MRAS: variants seen among roughly 807,000 people sequenced by gnomAD.
MRAS encodes the protein ras-related protein M-Ras.
Under a neutral mutation model 20.9 loss-of-function variants are expected in MRAS, and 4 were observed. That is an observed-to-expected ratio of 0.19 (90% CI 0.09 to 0.44). The LOEUF is 0.44. MRAS is among the 20% of genes least tolerant of loss of function. The pLI, the probability that MRAS is intolerant of heterozygous loss-of-function variation, is 0.99. For synonymous variants in MRAS, 98 were observed against 102.9 expected, an observed-to-expected ratio of 0.95 and a Z score of 0.29; for missense variants, 154 against 277.5, an observed-to-expected ratio of 0.56 and a Z score of 3.16.
rs772334762 is a variant in MRAS, at chr3:138,398,545, A to C, written c.424A>C (p.Lys142Gln). The C allele has an allele frequency of 2.5e-6, 4 of 1,614,032 alleles. No individual in the cohort carries two copies. Among genetic ancestry groups the C allele is most frequent in the Non-Finnish European group, 3.4e-6 (4 of 1,180,020 alleles). The change falls in exon 4 of 6, where the codon AAA (lysine) becomes CAA (glutamine). Residue 142 changes from lysine to glutamine, a missense_variant. By Grantham distance (53) the Lys-to-Gln change is moderately conservative. This residue lies in a region of MRAS where 125 missense variants were observed against 213.5 expected (regional missense o/e 0.59). Transcript: ENST00000423968. ...HLRKITREQG[K>Q]EMATKHNIPY... ...GAGGAAGATCACCAGGGAGCAAGGAAAAGAAATGGCGACCAAACACAATGT... is the reference window on the plus strand; with the variant it reads ...GAGGAAGATCACCAGGGAGCAAGGACAAGAAATGGCGACCAAACACAATGT...
At chr3:138,377,648 TC>T (rs1053790411) in intron 2 of MRAS, among the ~76,000 whole-genome samples, 6 of 152,136 alleles carry the variant, frequency 3.9e-5, no homozygotes, top group African/African-American at 1.4e-4. Flanking sequence ...GGGGTCCTGC[TC>T]CCCTGAGGCC....
In MRAS at chr3:138,397,460, C is replaced by T. The variant is rs151130678; in HGVS notation, c.330C>T (p.Ile110=). Residue 110 remains isoleucine, a synonymous_variant, in exon 3 of 6, where the codon ATC becomes ATT. Transcript: ENST00000423968. ...FEHVDRFHQL[I]LRVKDRESFP... The stretch of plus-strand genomic sequence containing the variant: ...ACGTGGACCGCTTCCACCAGCTTAT[C>T]CTGCGCGTCAAAGACAGGTGAGCAT... 94 of 1,614,110 alleles carry T rather than the reference C, an allele frequency of 5.8e-5. No individual in the cohort carries two copies. In the African/African-American group the frequency reaches 1.1e-3, roughly 19 times the overall value.
intron 1 of MRAS, among the ~76,000 whole-genome samples, chr3:138,371,461 C>T (rs1057001403): frequency 1.2e-4 from 19 of 152,164 alleles, no homozygotes; most frequent in African/African-American, 3.6e-4. Flanking sequence ...GATCAGTGGC[C>T]TTCCCAAGTA....
At chr3:138,361,564 A>G (rs896243193) in intron 1 of MRAS, among the ~76,000 whole-genome samples, 5 of 152,194 alleles carry the variant, frequency 3.3e-5, no homozygotes, top group African/African-American at 1.2e-4. Flanking sequence ...ACCCTTGGGC[A>G]GGTGAGGGAG....
At chr3:138,387,600 G>A (rs1319899704) in intron 2 of MRAS, among the ~76,000 whole-genome samples, 2 of 152,196 alleles carry the variant, frequency 1.3e-5, no homozygotes, top group African/African-American at 2.4e-5. Context: ...GTTGCAAGGT[G>A]GAAGTGGGAT....
At chr3:138,374,933 G>A (rs2054752472) in intron 2 of MRAS, among the ~76,000 whole-genome samples, 1 of 152,182 alleles carries the variant, frequency 6.6e-6, no homozygotes, top group Admixed American at 6.5e-5. Context: ...CCAGGCTGGA[G>A]CACAGTGGCA....
rs2055431316 is a variant in MRAS, at chr3:138,405,070, G to A, written c.*2801G>A. 6.6e-6 allele frequency: 1 copy of A among 152,212 alleles called. No individual in the cohort carries two copies. The highest frequency in any genetic ancestry group is 2.1e-4 in the South Asian group (1 of 4,796). The allele number at this position is 152,212 out of a possible 1,614,324, so 9.4% of individuals were successfully genotyped here. On this transcript the variant is annotated 3_prime_UTR_variant, in exon 6 of 6. Transcript: ENST00000423968. Reference sequence around the variant, plus strand: ...TCCTAGCCATCCTCTCCACTCCCACGGCTGGGGACAATGGCCACTTACTAC... The same window carrying A: ...TCCTAGCCATCCTCTCCACTCCCACAGCTGGGGACAATGGCCACTTACTAC...
intron 1 of MRAS, among the ~76,000 whole-genome samples, chr3:138,367,320 G>A (rs893654640): frequency 2.6e-5 from 4 of 152,128 alleles, no homozygotes; most frequent in Non-Finnish European, 1.5e-5. Context: ...GGGAAACTGG[G>A]CACCAGGAAG....
chr3:138,371,279 ACT>A (rs1165414153), intron 1 of MRAS, among the ~76,000 whole-genome samples: 1 of 152,114 alleles, frequency 6.6e-6, no homozygotes, highest in African/African-American at 2.4e-5. Context: ...TTCTGCAATG[ACT>A]CTCGACTGTA....
chr3:138,380,801 C>T (rs1425170697), intron 2 of MRAS, among the ~76,000 whole-genome samples: 3 of 150,554 alleles, frequency 2.0e-5, no homozygotes, highest in Admixed American at 6.6e-5. Context: ...GACGGTGTCT[C>T]GCTCTGTCGC....
rs1361683907 is a variant in MRAS, at chr3:138,397,445, C to T, written c.315C>T (p.Arg105=). 1 of 1,614,030 alleles carries T rather than the reference C, an allele frequency of 6.2e-7. No homozygotes were observed. Among genetic ancestry groups the T allele is most frequent in the African/African-American group, 1.3e-5 (1 of 74,922 alleles). ...AGGCCAGCTTTGAGCACGTGGACCGCTTCCACCAGCTTATCCTGCGCGTCA... is the reference window on the plus strand; with the variant it reads ...AGGCCAGCTTTGAGCACGTGGACCGTTTCCACCAGCTTATCCTGCGCGTCA... ...TDKASFEHVD[R]FHQLILRVKD... Residue 105 remains arginine (R), a synonymous_variant, in exon 3 of 6, where the codon CGC becomes CGT. Coordinates refer to ENST00000423968, the MANE Select transcript of MRAS (RefSeq NM_001085049.3).
chr3:138,393,615 A>G (rs1470663390), intron 2 of MRAS, among the ~76,000 whole-genome samples: 1 of 152,004 alleles, frequency 6.6e-6, no homozygotes, highest in Admixed American at 6.6e-5. Flanking sequence ...CTAGATCTCT[A>G]GTTTCCATTT....
chr3:138,383,877 A>T (rs1316569512), intron 2 of MRAS, among the ~76,000 whole-genome samples: 1 of 152,196 alleles, frequency 6.6e-6, no homozygotes, highest in Non-Finnish European at 1.5e-5. Flanking sequence ...AGACAAGGTA[A>T]GGGAGTCACA....
At position 138,351,061 on chromosome 3, in the gene MRAS, C is replaced by T. The variant is rs185137103; in HGVS notation, c.-19+2294C>T. 3.9e-5 allele frequency among the ~76,000 whole-genome samples: 6 copies of T among 152,208 alleles called. No homozygotes were observed. In the East Asian group the frequency reaches 1.2e-3, roughly 29 times the overall value. On this transcript the variant is annotated intron_variant, in intron 1 of 5. Transcript: ENST00000423968. ...TATTGGCCTCTGATAAATTAGGCTC[C>T]TGGGATGACTGGTCCTAACCTCAGT...
At chr3:138,359,827 G>A (rs1341238899) in intron 1 of MRAS, among the ~76,000 whole-genome samples, 2 of 152,208 alleles carry the variant, frequency 1.3e-5, no homozygotes, top group African/African-American at 2.4e-5. Context: ...TAGAACGGCC[G>A]TGCCACTCAG....
chr3:138,347,653 CGCAAT>C (rs1329267269), upstream of MRAS: 7 of 152,146 alleles, frequency 4.6e-5, no homozygotes, highest in African/African-American at 1.7e-4. Flanking sequence ...AGTGCAGTAG[CGCAAT>C]CTCGGCTCAC....
chr3:138,399,359 C>T (rs1176101544), intron 4 of MRAS, among the ~76,000 whole-genome samples: 2 of 152,182 alleles, frequency 1.3e-5, no homozygotes, highest in Non-Finnish European at 2.9e-5. Context: ...AAATATTTGT[C>T]CAATGAATAT....
intron 1 of MRAS, chr3:138,350,383 G>A (rs2054202590): frequency 6.6e-6 from 1 of 152,240 alleles, no homozygotes; most frequent in Non-Finnish European, 1.5e-5. Context: ...GGTGTAGTTT[G>A]TCCTTTTTCT....
At chr3:138,360,623 C>G (rs2054427412) in intron 1 of MRAS, among the ~76,000 whole-genome samples, 1 of 152,190 alleles carries the variant, frequency 6.6e-6, no homozygotes, top group South Asian at 2.1e-4. Flanking sequence ...ATGGTATGTC[C>G]TTCGTGAGGC....
Sources: allele counts gnomAD v4.1 joint callset (sites outside exome capture counted in the v4.1 genomes callset), GRCh38; gene constraint gnomAD v4.1.1; regional missense constraint gnomAD v4.1.1; transcripts MANE v1.5; gene names NCBI Gene and HGNC (gene_info 2026-07-23, HGNC 2026-07-21).